DOCK1: variants seen among roughly 807,000 people sequenced by gnomAD.
DOCK1 encodes the protein dedicator of cytokinesis protein 1.
DOCK1 carries 138 observed loss-of-function variants against 262.7 expected under a neutral mutation model. The ratio of observed to expected loss-of-function variants is 0.53; its 90% CI spans 0.46 to 0.61. The LOEUF (loss-of-function observed/expected upper bound fraction) is 0.61. Ranked by LOEUF, DOCK1 falls within the 20% of genes least tolerant of loss-of-function variation. The pLI, the probability that DOCK1 is intolerant of heterozygous loss-of-function variation, is 0.00. For missense variants in DOCK1, 1,908 were observed against 2,370.7 expected (o/e 0.80, Z 4.05); for synonymous variants, 866 against 867.4 (o/e 1.00, Z 0.03).
At chr10:127,003,397 A>G (rs2040748913) in intron 10 of DOCK1, among the ~76,000 whole-genome samples, 1 of 152,202 alleles carries the variant, frequency 6.6e-6, no homozygotes, top group Non-Finnish European at 1.5e-5. Flanking sequence ...CTTCAGAGAT[A>G]CCCATAGGCA....
chr10:127,052,986 T>G (rs1286641603), intron 22 of DOCK1, among the ~76,000 whole-genome samples, 171 bp downstream of exon 22: 1 of 152,110 alleles, frequency 6.6e-6, no homozygotes. Flanking sequence ...AGCTGCCCAC[T>G]CTTTCCTTAC....
chr10:126,998,581 G>T (rs1286383452), intron 8 of DOCK1: 3 of 200,004 alleles, frequency 1.5e-5, no homozygotes, highest in Non-Finnish European at 2.0e-5. Flanking sequence ...TATATATCCT[G>T]GTCCCTCAAA....
At chr10:127,173,046 G>A (rs891101023) in intron 27 of DOCK1, among the ~76,000 whole-genome samples, 13 of 152,160 alleles carry the variant, frequency 8.5e-5, no homozygotes, top group African/African-American at 3.1e-4. Flanking sequence ...TTGTGTGGCA[G>A]CCTGTGTGCC....
intron 12 of DOCK1, among the ~76,000 whole-genome samples, chr10:127,014,130 G>A (rs1242005763): frequency 6.6e-6 from 1 of 152,186 alleles, no homozygotes; most frequent in Non-Finnish European, 1.5e-5. Flanking sequence ...CCAGTTTTTG[G>A]TTTATGCCAA....
rs528602893 is a variant in DOCK1 at position 127,418,631 on chromosome 10, C to A, written c.4692+90C>A. 1.7e-4 allele frequency: 240 copies of A among 1,452,694 alleles called. No homozygotes were observed. The East Asian group carries it at 5.7e-3, about 35-fold the overall frequency. 90.0% of individuals were successfully genotyped at this position (1,452,694 alleles called of 1,614,324 possible). A position where few individuals can be genotyped will look rare whatever the true frequency, so the allele number is the denominator to read the frequency against. On this transcript the variant is annotated intron_variant, in intron 45 of 51. Coordinates refer to ENST00000623213, the MANE Select transcript of DOCK1 (RefSeq NM_001290223.2). ...AGAGTCCCCAAAGCCCAGAAACGCC[C>A]CTGGTCTCATTGAGCAATCTCAGCA...
chr10:127,180,648 A>G (rs2055637242), intron 27 of DOCK1, among the ~76,000 whole-genome samples: 1 of 152,340 alleles, frequency 6.6e-6, no homozygotes, highest in African/African-American at 2.4e-5. Context: ...CTTTAAATTA[A>G]TGGCTGATAT....
chr10:126,975,500 A>G (rs1440749376), intron 2 of DOCK1, among the ~76,000 whole-genome samples: 3 of 152,212 alleles, frequency 2.0e-5, no homozygotes, highest in African/African-American at 7.2e-5. Context: ...TCTGCCTTCT[A>G]CCACTCTTAA....
chr10:127,289,527 A>G (rs895365843), intron 29 of DOCK1, among the ~76,000 whole-genome samples: 6 of 152,170 alleles, frequency 3.9e-5, no homozygotes, highest in Non-Finnish European at 7.4e-5. Context: ...ATTTTGGTAA[A>G]TAATACTCAA....
At position 127,303,819 on chromosome 10, in the gene DOCK1, A is replaced by G. The variant is rs147345819; in HGVS notation, c.3045-35187A>G. ...GGCTGCAGTGAGCTGTGATCCCACC[A>G]CTGTACTCCAGCCTGGGCAACAGAG... On this transcript the variant is annotated intron_variant, in intron 29 of 51. Transcript: ENST00000623213. Among the ~76,000 whole-genome samples, 1,310 of 152,318 alleles carry G rather than the reference A, an allele frequency of 8.6e-3. 35 individuals are homozygous for G. The East Asian group carries it at 0.11, about 12-fold the overall frequency.
Position 127,238,622 on chromosome 10 carries a change from G to C in DOCK1, c.2848-9386G>C, listed in dbSNP as rs141749979. 2.3e-3 allele frequency among the ~76,000 whole-genome samples: 354 copies of C among 152,184 alleles called. 2 individuals are homozygous for C. The highest frequency in any genetic ancestry group is 8.2e-3 in the African/African-American group (342 of 41,516). On this transcript the variant is annotated intron_variant, in intron 27 of 51. Transcript: ENST00000623213. ...CTCATTCAATTTGCTACATTTGTTT[G>C]TTGTCATCGTTCATTTTGATATTCA...
intron 29 of DOCK1, among the ~76,000 whole-genome samples, chr10:127,258,536 A>G (rs192337319): frequency 1.3e-5 from 2 of 152,236 alleles, no homozygotes; most frequent in Non-Finnish European, 2.9e-5. Flanking sequence ...GTGATGAACC[A>G]TTTTCCTGTT....
intron 27 of DOCK1, chr10:127,154,002 A>C: frequency 1.1e-6 from 1 of 915,152 alleles, no homozygotes; most frequent in South Asian, 1.3e-5. Context: ...CTCAAATCAA[A>C]TGCCTTCCCA....
chr10:127,186,081 G>T (rs1443879943), intron 27 of DOCK1, among the ~76,000 whole-genome samples: 1 of 152,162 alleles, frequency 6.6e-6, no homozygotes, highest in Non-Finnish European at 1.5e-5. Context: ...AAACTCAGTT[G>T]TCTAATCTGC....
chr10:127,407,543 T>C (rs990335815), intron 40 of DOCK1, among the ~76,000 whole-genome samples: 34 of 152,236 alleles, frequency 2.2e-4, no homozygotes, highest in African/African-American at 8.2e-4. Flanking sequence ...TGATTCAGTG[T>C]CATAGAATCT....
At chr10:127,127,519 G>A (rs967127529) in intron 26 of DOCK1, 150 bp from the exon 27 acceptor site, 6 of 461,198 alleles carry the variant, frequency 1.3e-5, no homozygotes, top group Admixed American at 8.1e-5. Flanking sequence ...TTTTGTGAGA[G>A]CTTTTGCCTT....
At chr10:127,157,131 T>G (rs2053161882) in intron 27 of DOCK1, among the ~76,000 whole-genome samples, 1 of 152,134 alleles carries the variant, frequency 6.6e-6, no homozygotes, top group Non-Finnish European at 1.5e-5. Context: ...CTGCTGAGTG[T>G]TAAGGAAGTG....
intron 8 of DOCK1, 145 bp downstream of exon 8, chr10:126,998,394 T>C: frequency 9.0e-7 from 1 of 1,114,944 alleles, no homozygotes; most frequent in Non-Finnish European, 1.3e-6. Flanking sequence ...TCAAGAGCTG[T>C]CTTAGACAGT....
chr10:126,945,614 T>G (rs2134289809), intron 1 of DOCK1, among the ~76,000 whole-genome samples: 1 of 152,302 alleles, frequency 6.6e-6, no homozygotes, highest in African/African-American at 2.4e-5. Context: ...CGGGATCATT[T>G]TTATGGATTT....
In DOCK1 at chr10:126,999,378, C is replaced by T. The variant is rs772367614; in HGVS notation, c.792C>T (p.Ser264=). 3 of 1,613,280 alleles carry T rather than the reference C, an allele frequency of 1.9e-6. No homozygotes were observed. The highest frequency in any genetic ancestry group is 4.5e-5 in the East Asian group (2 of 44,874). ...FISENYLVRW[S]SSGLPKDIDR... ...GTGAGAACTACCTGGTTCGCTGGTC[C>T]AGTTCAGGATTACCTAAAGACATAG... The change falls in exon 9 of 52, where the codon TCC becomes TCT. Residue 264 remains serine, a synonymous_variant. Transcript: ENST00000623213.
Sources: allele counts gnomAD v4.1 joint callset (sites outside exome capture counted in the v4.1 genomes callset), GRCh38; gene constraint gnomAD v4.1.1; transcripts MANE v1.5; gene names NCBI Gene and HGNC (gene_info 2026-07-23, HGNC 2026-07-21).